The following SCAF8 variants were observed in gnomAD, a reference collection of about 807,000 sequenced individuals.
SCAF8 encodes the protein SR-related CTD associated factor 8.
In SCAF8, 23 loss-of-function variants were observed where a neutral mutation model predicts 140.5. The observed-to-expected ratio is 0.16, with a 90% CI of 0.12 to 0.23. The LOEUF is 0.23. Among genes scored for constraint, SCAF8 ranks in the 10% least tolerant of loss-of-function variants. SCAF8 has a pLI of 1.00. For missense variants in SCAF8, 1,397 were observed against 1,555.7 expected, an observed-to-expected ratio of 0.90 and a Z score of 1.72; for synonymous variants, 575 against 528.9, an observed-to-expected ratio of 1.09 and a Z score of -1.20.
chr6:154,828,587 A>G (rs996135519), intron 18 of SCAF8, among the ~76,000 whole-genome samples: 6 of 151,978 alleles, frequency 3.9e-5, no homozygotes, highest in African/African-American at 1.5e-4. Context: ...CCTCCCTGTC[A>G]CATTAGTTTT....
chr6:154,803,564 T>C lies in SCAF8; in HGVS notation c.804T>C (p.Asp268=). Residue 268 remains aspartate, a synonymous_variant, in exon 8 of 20, where the codon GAT becomes GAC. Coordinates refer to ENST00000367178, the MANE Select transcript of SCAF8 (RefSeq NM_014892.5). The part of the protein sequence containing the change: ...SFNKKLMDRF[D]FGEDSEHSEE... Reference sequence around the variant, plus strand: ...CCCAGAAGTTGATGGATAGGTTTGATTTTGGGGAAGACTCTGAGCATAGTG... The same window carrying C: ...CCCAGAAGTTGATGGATAGGTTTGACTTTGGGGAAGACTCTGAGCATAGTG... 6.2e-7 allele frequency: 1 copy of C among 1,612,430 alleles called. No homozygotes were observed. The highest frequency in any genetic ancestry group is 8.5e-7 in the Non-Finnish European group (1 of 1,179,160).
intron 4 of SCAF8, among the ~76,000 whole-genome samples, chr6:154,790,145 G>A (rs529403866): frequency 3.0e-4 from 45 of 152,122 alleles, no homozygotes; most frequent in Admixed American, 1.2e-3. Context: ...CATAAATGAA[G>A]GACATCGTAT....
At chr6:154,821,906 A>G (rs543108796) in intron 15 of SCAF8, among the ~76,000 whole-genome samples, 1 of 152,226 alleles carries the variant, frequency 6.6e-6, no homozygotes, top group African/African-American at 2.4e-5. Context: ...ATTTTATTGT[A>G]TTGGATTAAT....
rs142472971 is a variant in SCAF8 at position 154,756,627 on chromosome 6, G to A, written c.31-17362G>A. Among the ~76,000 whole-genome samples, 905 of 152,270 alleles carry A rather than the reference G, an allele frequency of 5.9e-3. 7 individuals are homozygous for A. The highest frequency in any genetic ancestry group is 8.9e-3 in the Non-Finnish European group (604 of 68,014). On this transcript the variant is annotated intron_variant, in intron 1 of 19. Transcript: ENST00000367178. ...AGTAAAACTGTTTGAGTTAGAACAT[G>A]ATGATTAACTCTCAAATTTATACAT...
In SCAF8 at chr6:154,832,131, A is replaced by G. The variant is rs1778761676; in HGVS notation, c.2552A>G (p.Asn851Ser). The G allele has an allele frequency of 6.2e-7, 1 of 1,613,826 alleles. No homozygotes were observed. The highest frequency in any genetic ancestry group is 2.2e-5 in the East Asian group (1 of 44,870). Residue 851 changes from asparagine to serine, a missense_variant, in exon 20 of 20, where the codon AAC (asparagine) becomes AGC (serine). Physicochemically the swap from Asn to Ser is conservative, Grantham distance 46. Coordinates refer to ENST00000367178, the MANE Select transcript of SCAF8 (RefSeq NM_014892.5). Reference sequence around the variant, plus strand: ...GCCCAACCACCAAATATTCTAAATAACTCTGGAATATTGGGAATACAGCCA... The same window carrying G: ...GCCCAACCACCAAATATTCTAAATAGCTCTGGAATATTGGGAATACAGCCA... ...IAAQPPNILN[N>S]SGILGIQPPS... is the part of the protein sequence containing the mutation.
intron 4 of SCAF8, among the ~76,000 whole-genome samples, chr6:154,791,281 G>A (rs1157800436): frequency 1.3e-5 from 2 of 152,138 alleles, no homozygotes; most frequent in Non-Finnish European, 2.9e-5. Flanking sequence ...CTAGATTTCA[G>A]AATTACCCAA....
chr6:154,809,280 T>A (rs1778016047), intron 11 of SCAF8, among the ~76,000 whole-genome samples: 1 of 152,186 alleles, frequency 6.6e-6, no homozygotes, highest in Non-Finnish European at 1.5e-5. Flanking sequence ...CATTTTTGTA[T>A]CCTATTTTTT....
At chr6:154,816,202 G>A (rs926013407) in intron 13 of SCAF8, among the ~76,000 whole-genome samples, 5 of 152,198 alleles carry the variant, frequency 3.3e-5, no homozygotes, top group Admixed American at 1.3e-4. Flanking sequence ...AGAAGCAGTC[G>A]TGGAGACACA....
At chr6:154,750,683 A>T (rs1778816171) in intron 1 of SCAF8, among the ~76,000 whole-genome samples, 1 of 152,190 alleles carries the variant, frequency 6.6e-6, no homozygotes, top group African/African-American at 2.4e-5. Context: ...GCTCACTCAT[A>T]TTATTCAGCA....
chr6:154,833,489 T>G lies in SCAF8; in HGVS notation c.*94T>G. 1 of 1,232,114 alleles carries G rather than the reference T, an allele frequency of 8.1e-7. No homozygotes were observed. Among genetic ancestry groups the G allele is most frequent in the Non-Finnish European group, 1.1e-6 (1 of 882,490 alleles). The allele number at this position is 1,232,114 out of a possible 1,614,324, so 76.3% of individuals were successfully genotyped here. A position where few individuals can be genotyped will look rare whatever the true frequency, so the allele number is the denominator to read the frequency against. On this transcript the variant is annotated 3_prime_UTR_variant, in exon 20 of 20. Transcript: ENST00000367178. The stretch of plus-strand genomic sequence containing the variant: ...TGGACCATAGTTGTTCACTTTTGTC[T>G]GCCAGAATTAAGTTAATCTGATGTT...
intron 1 of SCAF8, among the ~76,000 whole-genome samples, chr6:154,747,668 A>G (rs936266584): frequency 1.3e-5 from 2 of 152,226 alleles, no homozygotes; most frequent in African/African-American, 4.8e-5. Flanking sequence ...AAGAATTATA[A>G]TCGAGCAGAA....
intron 1 of SCAF8, among the ~76,000 whole-genome samples, chr6:154,758,123 G>C (rs1779011749): frequency 1.3e-5 from 2 of 152,062 alleles, no homozygotes; most frequent in South Asian, 4.2e-4. Flanking sequence ...TGTTACCCAG[G>C]CTGGTCTTGT....
chr6:154,822,427 G>GTT lies in SCAF8; in HGVS notation c.1926+27_1926+28dup, dbSNP rs543052882. ...TGTTGCAGGTTAGTGTTGAAGTGGGGTTTTTTTTTTCTTGTGTTGTTTTAC... is the reference window on the plus strand; with the variant it reads ...TGTTGCAGGTTAGTGTTGAAGTGGGGTTTTTTTTTTTTCTTGTGTTGTTTTAC... On this transcript the variant is annotated intron_variant, in intron 16 of 19. Coordinates refer to ENST00000367178, the MANE Select transcript of SCAF8 (RefSeq NM_014892.5). The GTT allele has an allele frequency of 4.5e-5, 65 of 1,434,484 alleles. No homozygotes were observed. Among genetic ancestry groups the GTT allele is most frequent in the South Asian group, 2.7e-4 (20 of 73,468 alleles). The allele number at this position is 1,434,484 out of a possible 1,614,324, so 88.9% of individuals were successfully genotyped here.
chr6:154,764,277 C>CT (rs61472336), intron 1 of SCAF8, among the ~76,000 whole-genome samples: 81,220 of 141,684 alleles, frequency 0.57, 24,486 homozygotes, highest in East Asian at 0.9. Flanking sequence ...ATTTTCTTTC[C>CT]TTTTTTTTTT....
At position 154,777,991 on chromosome 6, in the gene SCAF8, C is replaced by T. The variant is rs917048252; in HGVS notation, c.115-10C>T. On this transcript the variant is annotated splice_polypyrimidine_tract_variant and intron_variant, in intron 2 of 19. Coordinates refer to ENST00000367178, the MANE Select transcript of SCAF8 (RefSeq NM_014892.5). ...TTTTAAAACCATACTTCATTTTTTT[C>T]CTCTTTTAGTTCTATAAACATGTGG... is the stretch of plus-strand genomic sequence containing the variant. 55 of 1,478,530 alleles carry T rather than the reference C, an allele frequency of 3.7e-5. 1 individual carries two copies. The East Asian group carries it at 1.1e-3, about 29-fold the overall frequency. 91.6% of individuals were successfully genotyped at this position (1,478,530 alleles called of 1,614,324 possible). A position where few individuals can be genotyped will look rare whatever the true frequency, so the allele number is the denominator to read the frequency against.
In SCAF8 at chr6:154,832,604, C is replaced by G. The variant is rs1778780581; in HGVS notation, c.3025C>G (p.Gln1009Glu). 3 of 1,613,924 alleles carry G rather than the reference C, an allele frequency of 1.9e-6. No homozygotes were observed. Among genetic ancestry groups the G allele is most frequent in the African/African-American group, 2.7e-5 (2 of 74,872 alleles). The change falls in exon 20 of 20, where the codon CAA becomes GAA. Residue 1009 changes from glutamine to glutamate, a missense_variant. Gln to Glu is a conservative substitution (Grantham distance 29). Coordinates refer to ENST00000367178, the MANE Select transcript of SCAF8 (RefSeq NM_014892.5). ...GATACCACTTGGGAATGATAACATT[C>G]AACAGGAAGGAGATAGAGATTACCG... ...KRIPLGNDNIQQEGDRDYRFP... is the reference protein window; with the variant it reads ...KRIPLGNDNIEQEGDRDYRFP...
Position 154,747,764 on chromosome 6 carries a change from T to C in SCAF8, c.30+13834T>C, listed in dbSNP as rs140609920. 5.7e-3 allele frequency among the ~76,000 whole-genome samples: 863 copies of C among 152,228 alleles called. 13 individuals are homozygous for C. Among genetic ancestry groups the C allele is most frequent in the African/African-American group, 0.02 (818 of 41,534 alleles). ...CTTGAAAAGCTGCCTGGTGGAAATATTCATTTAACACATTTTTTTTTGCAT... is the reference window on the plus strand; with the variant it reads ...CTTGAAAAGCTGCCTGGTGGAAATACTCATTTAACACATTTTTTTTTGCAT... On this transcript the variant is annotated intron_variant, in intron 1 of 19. Transcript: ENST00000367178.
chr6:154,747,438 G>A (rs2114801632), intron 1 of SCAF8, among the ~76,000 whole-genome samples: 1 of 152,246 alleles, frequency 6.6e-6, no homozygotes, highest in Admixed American at 6.5e-5. Context: ...TTAATCCAGG[G>A]AGGTGGAGGT....
chr6:154,832,777 TATAAG>T lies in SCAF8; in HGVS notation c.3200_3204del (p.Ile1067ArgfsTer20). On this transcript the variant is annotated frameshift_variant, in exon 20 of 20. Coordinates refer to ENST00000367178, the MANE Select transcript of SCAF8 (RefSeq NM_014892.5). LOFTEE classifies it high-confidence loss of function. The stretch of plus-strand genomic sequence containing the variant: ...ATCATTTTGGAAGACCTCCTGTAGA[TATAAG>T]AGAGAATCTTGTGAGGCCAGGTATA... 6.2e-7 allele frequency: 1 copy of T among 1,613,802 alleles called. No homozygotes were observed. The highest frequency in any genetic ancestry group is 8.5e-7 in the Non-Finnish European group (1 of 1,179,984).
Sources: gnomAD v4.1 joint callset for allele counts (sites outside exome capture counted in the v4.1 genomes callset) on GRCh38, gnomAD v4.1.1 for gene constraint, MANE v1.5 for transcripts, NCBI Gene and HGNC (gene_info 2026-07-23, HGNC 2026-07-21) for gene names.